PCDHGA5: variants seen among roughly 807,000 people sequenced by gnomAD.
PCDHGA5 encodes the protein protocadherin gamma subfamily A, 5, also known as protocadherin gamma-A5.
PCDHGA5 carries 36 observed loss-of-function variants against 56.7 expected under a neutral mutation model. The ratio of observed to expected loss-of-function variants is 0.64; its 90% CI spans 0.49 to 0.84. The LOEUF is 0.84. PCDHGA5 is among the 40% of genes least tolerant of loss of function. The pLI is 0.00. For synonymous variants in PCDHGA5, 563 were observed against 520.2 expected (o/e 1.08, Z -1.12); for missense variants, 1,305 against 1,201.5 (o/e 1.09, Z -1.27).
chr5:141,492,460 G>T (rs2099740851), intron 1 of PCDHGA5, among the ~76,000 whole-genome samples: 1 of 152,218 alleles, frequency 6.6e-6, no homozygotes, highest in African/African-American at 2.4e-5. Flanking sequence ...GCGCGCCTGA[G>T]GGTCCCAGAT....
chr5:141,413,530 A>G (rs879218343), intron 1 of PCDHGA5: 1 of 1,613,954 alleles, frequency 6.2e-7, no homozygotes, highest in Non-Finnish European at 8.5e-7. Context: ...AGACAGGGTG[A>G]AACTTTTTGG....
chr5:141,389,996 C>T, intron 1 of PCDHGA5: 1 of 1,614,022 alleles, frequency 6.2e-7, no homozygotes, highest in Non-Finnish European at 8.5e-7. Context: ...TCCTCGTGGC[C>T]ATGATTCTGG....
In PCDHGA5 at chr5:141,408,231, G is replaced by A. The variant is rs775180708; in HGVS notation, c.2421+41480G>A. On this transcript the variant is annotated intron_variant, in intron 1 of 3. Coordinates refer to ENST00000518069, the MANE Select transcript of PCDHGA5 (RefSeq NM_018918.3). ...GGAGGGAGCTGCGCGCAGAGGCGCC[G>A]GGCCGGCCCGCGGCAGGTGCTATTT... 5 of 1,567,976 alleles carry A rather than the reference G, an allele frequency of 3.2e-6. No individual in the cohort carries two copies. In the African/African-American group the frequency reaches 5.4e-5, roughly 17 times the overall value.
At chr5:141,399,134 A>G (rs2093758534) in intron 1 of PCDHGA5, 6 of 1,613,856 alleles carry the variant, frequency 3.7e-6, no homozygotes, top group Non-Finnish European at 5.1e-6. Flanking sequence ...ATTCAAGATG[A>G]AAATGACAAT....
At chr5:141,417,456 G>A (rs1354162154) in intron 1 of PCDHGA5, 1 of 177,626 alleles carries the variant, frequency 5.6e-6, no homozygotes, top group Non-Finnish European at 1.2e-5. Context: ...TTATGACCAA[G>A]TGGAAATATA....
chr5:141,393,206 A>G (rs774279389), intron 1 of PCDHGA5: 2 of 1,613,588 alleles, frequency 1.2e-6, no homozygotes, highest in Non-Finnish European at 1.7e-6. Flanking sequence ...ATAATAACCC[A>G]AAATTCCAGG....
intron 1 of PCDHGA5, among the ~76,000 whole-genome samples, chr5:141,447,493 T>A (rs538320272): frequency 3.3e-5 from 5 of 152,186 alleles, no homozygotes; most frequent in East Asian, 1.9e-4. Flanking sequence ...AGAAGGAATG[T>A]TTAGGATAAA....
intron 1 of PCDHGA5, 94 bp downstream of exon 1, chr5:141,366,845 A>G: frequency 6.8e-7 from 1 of 1,477,098 alleles, no homozygotes; most frequent in Non-Finnish European, 9.1e-7. Flanking sequence ...AGTTATGTAA[A>G]TAGTGGAACA....
In PCDHGA5 at chr5:141,494,860, C is replaced by T. The variant is rs372794752; in HGVS notation, c.2475C>T (p.Thr825=). Residue 825 remains threonine, a synonymous_variant, in exon 2 of 4, where the codon ACC becomes ACT. Coordinates refer to ENST00000518069, the MANE Select transcript of PCDHGA5 (RefSeq NM_018918.3). ...TCTCTCAGGCCCAGAGACCCGGCAC[C>T]AGCGGGTAGGTGACTGATTCTCCAG... ...WRFSQAQRPG[T]SGSQNGDDTG... 5.6e-6 allele frequency: 9 copies of T among 1,614,032 alleles called. No homozygotes were observed. Among genetic ancestry groups the T allele is most frequent in the Non-Finnish European group, 7.6e-6 (9 of 1,180,024 alleles).
intron 1 of PCDHGA5, chr5:141,372,132 C>T (rs1427906053): frequency 3.7e-6 from 6 of 1,613,718 alleles, no homozygotes; most frequent in Non-Finnish European, 5.1e-6. Context: ...TATGGTGCCG[C>T]GCTCTGCAGA....
chr5:141,492,851 C>T (rs1289268967), intron 1 of PCDHGA5, among the ~76,000 whole-genome samples: 2 of 152,204 alleles, frequency 1.3e-5, no homozygotes, highest in Non-Finnish European at 2.9e-5. Flanking sequence ...GTGAAAGCCT[C>T]GAGCGCCCTG....
At chr5:141,413,950 T>C (rs1448967281) in intron 1 of PCDHGA5, 1 of 1,613,264 alleles carries the variant, frequency 6.2e-7, no homozygotes. Context: ...TCCTGAGAAT[T>C]TGCCTGTGGG....
chr5:141,485,497 T>C lies in PCDHGA5; in HGVS notation c.2422-9310T>C, dbSNP rs1594488328. On this transcript the variant is annotated intron_variant, in intron 1 of 3. Coordinates refer to ENST00000518069, the MANE Select transcript of PCDHGA5 (RefSeq NM_018918.3). The surrounding 1 kb of genome is among the most constrained non-coding windows in gnomAD (Gnocchi z 5.7). ...CCAGCTGCATCGTGCCCCTGGAGTT[T>C]GTCACCGAAGGTCCTTTGGAAATGT... 6.2e-7 allele frequency: 1 copy of C among 1,614,112 alleles called. No homozygotes were observed. The highest frequency in any genetic ancestry group is 1.3e-5 in the African/African-American group (1 of 74,998).
intron 1 of PCDHGA5, among the ~76,000 whole-genome samples, chr5:141,445,937 A>C (rs2098482193): frequency 6.6e-6 from 1 of 152,202 alleles, no homozygotes; most frequent in African/African-American, 2.4e-5. Flanking sequence ...TGAATTATTA[A>C]GCTTACTCTG....
intron 1 of PCDHGA5, chr5:141,395,737 A>T (rs2093305517): frequency 6.5e-6 from 1 of 152,906 alleles, no homozygotes; most frequent in Non-Finnish European, 1.5e-5. Flanking sequence ...TTCACTTTAA[A>T]CCTCTTTTCT....
intron 1 of PCDHGA5, among the ~76,000 whole-genome samples, chr5:141,373,593 T>G (rs1769715791): frequency 6.6e-6 from 1 of 152,258 alleles, no homozygotes; most frequent in African/African-American, 2.4e-5. Flanking sequence ...TGAAATGTGA[T>G]GATAATTCAA....
intron 1 of PCDHGA5, among the ~76,000 whole-genome samples, chr5:141,425,603 A>G (rs2096884807): frequency 6.6e-6 from 1 of 152,218 alleles, no homozygotes; most frequent in Non-Finnish European, 1.5e-5. Context: ...TATGCCCTAT[A>G]TAGCTTTCAG....
rs773126086 is a variant in PCDHGA5 at position 141,487,392 on chromosome 5, G to C, written c.2422-7415G>C. The C allele has an allele frequency of 6.2e-7, 1 of 1,614,176 alleles. No homozygotes were observed. Among genetic ancestry groups the C allele is most frequent in the Non-Finnish European group, 8.5e-7 (1 of 1,180,024 alleles). ...GCCTGTCTCACCAGATCTCGAAGGA[G>C]GGAGGGGCTTCCCCCTTCCAATGGG... On this transcript the variant is annotated intron_variant, in intron 1 of 3. Coordinates refer to ENST00000518069, the MANE Select transcript of PCDHGA5 (RefSeq NM_018918.3). This position sits in a 1 kb window ranked among gnomAD's most constrained non-coding sequence, Gnocchi z 5.0.
At chr5:141,369,272 AT>A (rs1346533698) in intron 1 of PCDHGA5, among the ~76,000 whole-genome samples, 2 of 152,200 alleles carry the variant, frequency 1.3e-5, no homozygotes, top group Non-Finnish European at 2.9e-5. Flanking sequence ...AGGACTTACA[AT>A]TCACTCCCCA....
Sources: allele counts gnomAD v4.1 joint callset (sites outside exome capture counted in the v4.1 genomes callset), GRCh38; gene constraint gnomAD v4.1.1; non-coding constraint Gnocchi (gnomAD v3.1); transcripts MANE v1.5; gene names NCBI Gene and HGNC (gene_info 2026-07-23, HGNC 2026-07-21).